Variants in TMEM161B observed in about 807,000 individuals in gnomAD.
The protein encoded by TMEM161B is transmembrane protein 161B.
A neutral mutation model predicts 61.8 loss-of-function variants in TMEM161B; 34 were observed. The ratio of observed to expected loss-of-function variants is 0.55; its 90% CI spans 0.42 to 0.73. The LOEUF (loss-of-function observed/expected upper bound fraction) is 0.73, where lower values mean the gene tolerates loss of function less well. Ranked by LOEUF, TMEM161B falls within the 30% of genes least tolerant of loss-of-function variation. The probability of loss-of-function intolerance (pLI) is 0.00; values close to 1 mark genes in which losing one functional copy is unlikely to be tolerated. For synonymous variants in TMEM161B, 167 were observed against 192.8 expected (o/e 0.87, Z 1.11); for missense variants, 456 against 558.5 (o/e 0.82, Z 1.85).
At chr5:88,265,474 T>C (rs1380512729) in intron 1 of TMEM161B, among the ~76,000 whole-genome samples, 1 of 152,154 alleles carries the variant, frequency 6.6e-6, no homozygotes, top group African/African-American at 2.4e-5. Flanking sequence ...CCTATGAGAA[T>C]ATAATGCCAC....
chr5:88,226,033 G>A (rs1750000611), intron 3 of TMEM161B, among the ~76,000 whole-genome samples, 167 bp from the exon 4 acceptor site: 2 of 152,028 alleles, frequency 1.3e-5, no homozygotes, highest in South Asian at 4.1e-4. Flanking sequence ...TTTTTAAAGG[G>A]GTACTATAAA....
downstream of TMEM161B, among the ~76,000 whole-genome samples, chr5:88,186,190 T>A (rs1454232935): frequency 6.6e-6 from 1 of 152,242 alleles, no homozygotes; most frequent in African/African-American, 2.4e-5. Context: ...TAGGCACTTT[T>A]AAGAATATAA....
chr5:88,268,808 A>G lies in TMEM161B; in HGVS notation c.-85T>C. The G allele has an allele frequency of 1.2e-6, 2 of 1,607,152 alleles. No individual in the cohort carries two copies. Among genetic ancestry groups the G allele is most frequent in the Non-Finnish European group, 1.7e-6 (2 of 1,175,388 alleles). On this transcript the variant is annotated 5_prime_UTR_variant, in exon 1 of 12. Transcript: ENST00000296595. ...CTTACCTCCCGGTCCTTGAGCCGAG[A>G]GACTCTCAAACAGCGAAAGAGAGGG... is the stretch of plus-strand genomic sequence containing the variant.
chr5:88,223,996 C>A (rs565294472), intron 4 of TMEM161B, among the ~76,000 whole-genome samples: 3 of 152,136 alleles, frequency 2.0e-5, no homozygotes, highest in African/African-American at 7.2e-5. Context: ...ATACATACAA[C>A]CTTTACAGAT....
chr5:88,260,028 T>A (rs1158045393), intron 1 of TMEM161B, among the ~76,000 whole-genome samples: 1 of 152,158 alleles, frequency 6.6e-6, no homozygotes, highest in Non-Finnish European at 1.5e-5. Context: ...CATTTCTACA[T>A]CTGTAAGATA....
intron 8 of TMEM161B, 68 bp from the exon 9 acceptor site, chr5:88,203,143 G>A (rs778694448): frequency 1.3e-5 from 12 of 949,594 alleles, no homozygotes; most frequent in Non-Finnish European, 1.7e-5. Flanking sequence ...ACAGAAGCTG[G>A]GGTCTTACTA....
In TMEM161B at chr5:88,195,880, G is replaced by A. The variant is rs1215188275; in HGVS notation, c.*331C>T. ...CCATTAAAAGCAATCAATAACTAGA[G>A]TCATGTGAGATGTTTCAAAGACTGC... On this transcript the variant is annotated 3_prime_UTR_variant, in exon 12 of 12. Coordinates refer to ENST00000296595, the MANE Select transcript of TMEM161B (RefSeq NM_153354.5). 3.7e-5 allele frequency: 39 copies of A among 1,053,702 alleles called. No individual in the cohort carries two copies. The South Asian group carries it at 4.5e-4, about 12-fold the overall frequency. 65.3% of individuals were successfully genotyped at this position (1,053,702 alleles called of 1,614,324 possible). A position where few individuals can be genotyped will look rare whatever the true frequency, so the allele number is the denominator to read the frequency against.
At chr5:88,203,608 G>A (rs1464580917) in intron 8 of TMEM161B, among the ~76,000 whole-genome samples, 1 of 151,502 alleles carries the variant, frequency 6.6e-6, no homozygotes, top group Non-Finnish European at 1.5e-5. Context: ...GGAACCTACT[G>A]CAACAACCCG....
At chr5:88,220,083 T>A (rs1336784022) in intron 5 of TMEM161B, among the ~76,000 whole-genome samples, 1 of 152,002 alleles carries the variant, frequency 6.6e-6, no homozygotes, top group Non-Finnish European at 1.5e-5. Context: ...AAATAAAAAA[T>A]TATTTAAGGA....
At chr5:88,225,118 C>T (rs946891608) in intron 4 of TMEM161B, among the ~76,000 whole-genome samples, 4 of 151,914 alleles carry the variant, frequency 2.6e-5, no homozygotes, top group African/African-American at 9.7e-5. Context: ...CAGGCGCCTG[C>T]CACCACGCCT....
intron 3 of TMEM161B, 61 bp from the exon 4 acceptor site, chr5:88,225,927 G>A (rs1749985543): frequency 2.2e-5 from 23 of 1,036,036 alleles, no homozygotes; most frequent in Non-Finnish European, 3.3e-5. Context: ...CCAAGTGCTT[G>A]TTTCAAACTA....
intron 2 of TMEM161B, among the ~76,000 whole-genome samples, chr5:88,236,500 T>C (rs1751878606): frequency 6.6e-6 from 1 of 152,188 alleles, no homozygotes; most frequent in African/African-American, 2.4e-5. Flanking sequence ...AGTGAATACT[T>C]TGGCTACAAA....
At chr5:88,205,059 C>T (rs1325695103) in intron 8 of TMEM161B, among the ~76,000 whole-genome samples, 2 of 152,030 alleles carry the variant, frequency 1.3e-5, no homozygotes, top group African/African-American at 4.8e-5. Context: ...CAAAACAAAA[C>T]GATGAGACAG....
intron 5 of TMEM161B, among the ~76,000 whole-genome samples, chr5:88,219,102 ACT>A (rs1230517413): frequency 6.6e-6 from 1 of 152,002 alleles, no homozygotes; most frequent in African/African-American, 2.4e-5. Context: ...CAGGAGGAAA[ACT>A]CTACTCAAGA....
intron 1 of TMEM161B, among the ~76,000 whole-genome samples, chr5:88,250,137 C>T (rs1221728094): frequency 1.3e-5 from 2 of 151,868 alleles, no homozygotes; most frequent in African/African-American, 2.4e-5. Flanking sequence ...AGGAGACAAA[C>T]AGTGATTTTT....
intron 5 of TMEM161B, among the ~76,000 whole-genome samples, chr5:88,216,822 C>T (rs541480262): frequency 3.9e-5 from 6 of 152,094 alleles, no homozygotes; most frequent in Non-Finnish European, 7.4e-5. Flanking sequence ...AGTCAAAAAC[C>T]TCAAGAACAG....
chr5:88,196,417 A>C lies in TMEM161B; in HGVS notation c.1258T>G (p.Ser420Ala). ...LPVDNSLLSN[S>A]VYSELPSAEG... ...GCTGATGGTAATTCAGAGTAAACAGAATTGGACAGTAGACTATTATCCACT... is the reference window on the plus strand; with the variant it reads ...GCTGATGGTAATTCAGAGTAAACAGCATTGGACAGTAGACTATTATCCACT... The change falls in exon 12 of 12, where the codon TCT (serine) becomes GCT (alanine). Residue 420 changes from serine (S) to alanine (A), a missense_variant. Transcript: ENST00000296595. 6.2e-7 allele frequency: 1 copy of C among 1,613,360 alleles called. No individual in the cohort carries two copies. Among genetic ancestry groups the C allele is most frequent in the Non-Finnish European group, 8.5e-7 (1 of 1,179,516 alleles).
At chr5:88,255,636 T>C (rs1354766916) in intron 1 of TMEM161B, among the ~76,000 whole-genome samples, 1 of 152,220 alleles carries the variant, frequency 6.6e-6, no homozygotes, top group Admixed American at 6.5e-5. Flanking sequence ...ATTTATCTAT[T>C]TCCAAATTTA....
At chr5:88,240,742 C>T (rs1752592224) in intron 2 of TMEM161B, 71 bp downstream of exon 2, 3 of 1,156,700 alleles carry the variant, frequency 2.6e-6, no homozygotes, top group East Asian at 2.4e-5. Flanking sequence ...GAAACAGTAA[C>T]TAGGAATTTA....
Sources: gnomAD v4.1 joint callset for allele counts (sites outside exome capture counted in the v4.1 genomes callset) on GRCh38, gnomAD v4.1.1 for gene constraint, MANE v1.5 for transcripts, NCBI Gene and HGNC (gene_info 2026-07-23, HGNC 2026-07-21) for gene names.